KCNQ4: variants seen among roughly 807,000 people sequenced by gnomAD.
KCNQ4 encodes potassium voltage-gated channel subfamily KQT member 4.
In KCNQ4, 31 loss-of-function variants were observed where a neutral mutation model predicts 72.6. That is an observed-to-expected ratio of 0.43 (90% CI 0.32 to 0.58). The LOEUF (loss-of-function observed/expected upper bound fraction) is 0.58. Ranked by LOEUF, KCNQ4 falls within the 20% of genes least tolerant of loss-of-function variation. The pLI is 0.08. For missense variants in KCNQ4, 869 were observed against 962.6 expected (o/e 0.90, Z 1.29); for synonymous variants, 405 against 403.7 (o/e 1.00, Z -0.04).
At chr1:40,804,556 C>T (rs893923591) in intron 1 of KCNQ4, among the ~76,000 whole-genome samples, 5 of 152,184 alleles carry the variant, frequency 3.3e-5, no homozygotes, top group Non-Finnish European at 7.3e-5. Flanking sequence ...TGGCTCATGC[C>T]TGTAAGCCCA....
intron 9 of KCNQ4, among the ~76,000 whole-genome samples, chr1:40,826,487 G>A (rs891114130): frequency 3.5e-4 from 54 of 152,276 alleles, no homozygotes; most frequent in African/African-American, 1.3e-3. Context: ...GAACATCTAC[G>A]TTCTGGTGAT....
At chr1:40,805,646 A>G (rs1396011130) in intron 1 of KCNQ4, among the ~76,000 whole-genome samples, 1 of 151,804 alleles carries the variant, frequency 6.6e-6, no homozygotes, top group Non-Finnish European at 1.5e-5. Context: ...AGGGGAAAAG[A>G]GCGCGTTTGC....
intron 9 of KCNQ4, among the ~76,000 whole-genome samples, chr1:40,830,799 C>T (rs933219457): frequency 6.6e-6 from 1 of 152,118 alleles, no homozygotes; most frequent in African/African-American, 2.4e-5. Flanking sequence ...TCTCCCACTC[C>T]TTCCACTCTG....
chr1:40,784,889 G>A lies in KCNQ4; in HGVS notation c.314+482G>A, dbSNP rs764117394. ...CCCCTCAGGGGTGCTCCTCTCCAGG[G>A]CGGCCCTCATTCCTACCCCTGCCCA... On this transcript the variant is annotated intron_variant, in intron 1 of 13. Coordinates refer to ENST00000347132, the MANE Select transcript of KCNQ4 (RefSeq NM_004700.4). The surrounding 1 kb of genome is among the most constrained non-coding windows in gnomAD (Gnocchi z 4.1). Among the ~76,000 whole-genome samples, 3 of 152,182 alleles carry A rather than the reference G, an allele frequency of 2.0e-5. No individual in the cohort carries two copies. The highest frequency in any genetic ancestry group is 2.9e-5 in the Non-Finnish European group (2 of 68,026).
intron 1 of KCNQ4, among the ~76,000 whole-genome samples, chr1:40,809,428 C>T (rs1647859943): frequency 6.6e-6 from 1 of 152,192 alleles, no homozygotes; most frequent in Non-Finnish European, 1.5e-5. Flanking sequence ...TCAACATGCC[C>T]ACCACCCAAC....
intron 1 of KCNQ4, among the ~76,000 whole-genome samples, chr1:40,796,818 T>TG (rs1338841952): frequency 6.6e-6 from 1 of 152,054 alleles, no homozygotes; most frequent in African/African-American, 2.4e-5. Context: ...CTTGGGAGGT[T>TG]GAGGCATCAG....
At chr1:40,821,618 G>A (rs1224451304) in intron 7 of KCNQ4, among the ~76,000 whole-genome samples, 1 of 152,172 alleles carries the variant, frequency 6.6e-6, no homozygotes, top group African/African-American at 2.4e-5. Context: ...ATTCCCATGG[G>A]CAGTGACAGG....
intron 9 of KCNQ4, among the ~76,000 whole-genome samples, chr1:40,830,705 G>T (rs1648615552): frequency 6.6e-6 from 1 of 152,052 alleles, no homozygotes; most frequent in Non-Finnish European, 1.5e-5. Context: ...GTGCCCAAAG[G>T]GGTCGCCACC....
chr1:40,827,030 C>T (rs1327305414), intron 9 of KCNQ4, among the ~76,000 whole-genome samples: 1 of 152,208 alleles, frequency 6.6e-6, no homozygotes, highest in East Asian at 1.9e-4. Context: ...CTCTGAGGGT[C>T]CTTCTCACTC....
chr1:40,821,338 A>G (rs905832138), intron 7 of KCNQ4, among the ~76,000 whole-genome samples: 1 of 152,210 alleles, frequency 6.6e-6, no homozygotes, highest in Non-Finnish European at 1.5e-5. Context: ...TGAGGTCAGC[A>G]GTGGCAGCCC....
Position 40,838,642 on chromosome 1 carries a change from C to A in KCNQ4, c.*119C>A. On this transcript the variant is annotated 3_prime_UTR_variant, in exon 14 of 14. Transcript: ENST00000347132. ...CTCACTCCCTCACGGGGAGAGAGAC[C>A]ACACGCAGTATTGAGCTGCCTGAGT... is the stretch of plus-strand genomic sequence containing the variant. The A allele has an allele frequency of 1.0e-6, 1 of 966,646 alleles. No homozygotes were observed. The highest frequency in any genetic ancestry group is 1.6e-6 in the Non-Finnish European group (1 of 613,160). 59.9% of individuals were successfully genotyped at this position (966,646 alleles called of 1,614,324 possible). A position where few individuals can be genotyped will look rare whatever the true frequency, so the allele number is the denominator to read the frequency against.
At chr1:40,827,838 CTG>C (rs774428502) in intron 9 of KCNQ4, among the ~76,000 whole-genome samples, 39 of 152,330 alleles carry the variant, frequency 2.6e-4, no homozygotes, top group Non-Finnish European at 4.7e-4. Flanking sequence ...TCCACTAAAA[CTG>C]GACCTGGCTC....
rs1647186781 is a variant in KCNQ4, at chr1:40,784,800, A to C, written c.314+393A>C. 6.6e-6 allele frequency among the ~76,000 whole-genome samples: 1 copy of C among 152,006 alleles called. No individual in the cohort carries two copies. Among genetic ancestry groups the C allele is most frequent in the Non-Finnish European group, 1.5e-5 (1 of 67,966 alleles). ...CTGCCTCCCTGTGTCCCAGACACAA[A>C]GAGGAACCCTTGGCTCCCACACGCT... On this transcript the variant is annotated intron_variant, in intron 1 of 13. Coordinates refer to ENST00000347132, the MANE Select transcript of KCNQ4 (RefSeq NM_004700.4). The surrounding 1 kb of genome is among the most constrained non-coding windows in gnomAD (Gnocchi z 4.1).
At chr1:40,833,142 C>G (rs755303664) in intron 11 of KCNQ4, 29 bp downstream of exon 11, 42 of 1,541,630 alleles carry the variant, frequency 2.7e-5, no homozygotes, top group Non-Finnish European at 3.6e-5. Context: ...GCGAGCACCC[C>G]CCTCCGTGTG....
At chr1:40,795,545 A>G (rs1647387641) in intron 1 of KCNQ4, among the ~76,000 whole-genome samples, 1 of 152,070 alleles carries the variant, frequency 6.6e-6, no homozygotes, top group Non-Finnish European at 1.5e-5. Context: ...TACGGACATG[A>G]GCCACTGCAC....
chr1:40,793,261 G>T (rs972771860), intron 1 of KCNQ4, among the ~76,000 whole-genome samples: 2 of 151,730 alleles, frequency 1.3e-5, no homozygotes, highest in Non-Finnish European at 2.9e-5. Flanking sequence ...CGGTGGCCTC[G>T]GGAGCCACCA....
At position 40,817,275 on chromosome 1, in the gene KCNQ4, G is replaced by A. The variant is rs781140586; in HGVS notation, c.325G>A (p.Val109Ile). ...FVYHVFIFLL[V>I]FSCLVLSVLS... ...ATGTTGTAATTGCAGATTTTTGCTG[G>A]TCTTCAGCTGCCTGGTGCTGTCTGT... Residue 109 changes from valine to isoleucine, a missense_variant, in exon 2 of 14, where the codon GTC becomes ATC. Val to Ile is a conservative substitution (Grantham distance 29, BLOSUM62 3). This residue lies in a region of KCNQ4 where 178 missense variants were observed against 145.3 expected (regional missense o/e 1.22). Transcript: ENST00000347132. The surrounding 1 kb of genome is among the most constrained non-coding windows in gnomAD (Gnocchi z 5.5). 6 of 1,613,616 alleles carry A rather than the reference G, an allele frequency of 3.7e-6. No homozygotes were observed. The highest frequency in any genetic ancestry group is 4.5e-5 in the East Asian group (2 of 44,884).
At chr1:40,831,627 A>G (rs1648650512) in intron 10 of KCNQ4, among the ~76,000 whole-genome samples, 1 of 152,192 alleles carries the variant, frequency 6.6e-6, no homozygotes, top group Admixed American at 6.5e-5. Flanking sequence ...TCTGGGCCTC[A>G]TTCTCCTCAT....
intron 9 of KCNQ4, among the ~76,000 whole-genome samples, chr1:40,827,633 G>A (rs1034283488): frequency 6.6e-6 from 1 of 152,146 alleles, no homozygotes; most frequent in Non-Finnish European, 1.5e-5. Flanking sequence ...CTGGGGTCCC[G>A]GAGCTAGGAG....
Sources: gnomAD v4.1 joint callset for allele counts (sites outside exome capture counted in the v4.1 genomes callset) on GRCh38, gnomAD v4.1.1 for gene constraint, gnomAD v4.1.1 regional missense constraint, Gnocchi (gnomAD v3.1) non-coding constraint, MANE v1.5 for transcripts, NCBI Gene and HGNC (gene_info 2026-07-23, HGNC 2026-07-21) for gene names.